Variants in LINGO2 observed in about 807,000 individuals in gnomAD.
The protein encoded by LINGO2 is leucine-rich repeat and immunoglobulin-like domain-containing nogo receptor-interacting protein 2.
LINGO2 carries 14 observed loss-of-function variants against 30.6 expected under a neutral mutation model. That is an observed-to-expected ratio of 0.46 (90% CI 0.30 to 0.72). The LOEUF is 0.72. Among genes scored for constraint, LINGO2 ranks in the 30% least tolerant of loss-of-function variants. The pLI, the probability that LINGO2 is intolerant of heterozygous loss-of-function variation, is 0.07. For synonymous variants in LINGO2, 317 were observed against 288.5 expected, an observed-to-expected ratio of 1.10 and a Z score of -1.00; for missense variants, 729 against 751.7, an observed-to-expected ratio of 0.97 and a Z score of 0.35.
At chr9:28,016,497 G>A (rs1457686216) in intron 4 of LINGO2, among the ~76,000 whole-genome samples, 1 of 151,952 alleles carries the variant, frequency 6.6e-6, no homozygotes, top group Non-Finnish European at 1.5e-5. Context: ...AGTTCTTATA[G>A]TAAAAGACAA....
At chr9:28,501,764 C>G (rs1819897119) in intron 1 of LINGO2, among the ~76,000 whole-genome samples, 1 of 152,046 alleles carries the variant, frequency 6.6e-6, no homozygotes, top group African/African-American at 2.4e-5. Flanking sequence ...AAATTTATAC[C>G]TAATATCCTG....
intron 3 of LINGO2, among the ~76,000 whole-genome samples, chr9:28,366,761 T>A (rs1174836897): frequency 2.0e-5 from 3 of 152,072 alleles, no homozygotes; most frequent in Non-Finnish European, 4.4e-5. Context: ...TTAAATACAT[T>A]TAAATTTTGC....
chr9:28,735,936 G>C, the LINGO2 span, among the ~76,000 whole-genome samples: 3 of 152,118 alleles, frequency 2.0e-5, no homozygotes, highest in Admixed American at 1.3e-4. Context: ...TGTTATTTTT[G>C]TTATCCTCAG....
intron 4 of LINGO2, among the ~76,000 whole-genome samples, chr9:28,100,517 T>C (rs1005815909): frequency 6.6e-6 from 1 of 152,164 alleles, no homozygotes; most frequent in Non-Finnish European, 1.5e-5. Context: ...ACTTGCCCTA[T>C]TGTAAAGATA....
the LINGO2 span, among the ~76,000 whole-genome samples, chr9:28,980,121 C>G: frequency 6.6e-6 from 1 of 152,056 alleles, no homozygotes; most frequent in Non-Finnish European, 1.5e-5. Context: ...AATCCTTGAG[C>G]AAAAATTAAT....
intron 3 of LINGO2, among the ~76,000 whole-genome samples, chr9:28,359,125 G>T (rs1479318395): frequency 6.6e-6 from 1 of 152,100 alleles, no homozygotes; most frequent in East Asian, 1.9e-4. Flanking sequence ...AGAATCGACT[G>T]CAAAGAGGAC....
At chr9:28,144,016 A>T (rs530898543) in intron 4 of LINGO2, among the ~76,000 whole-genome samples, 1 of 152,338 alleles carries the variant, frequency 6.6e-6, no homozygotes, top group East Asian at 1.9e-4. Flanking sequence ...GAATAAGGTT[A>T]ATAATGGATA....
chr9:28,576,072 T>C (rs1055757702), intron 1 of LINGO2, among the ~76,000 whole-genome samples: 5 of 152,140 alleles, frequency 3.3e-5, no homozygotes, highest in South Asian at 2.1e-4. Context: ...ATAGATTAAA[T>C]ACACCTGAAC....
At chr9:28,904,646 A>C in the LINGO2 span, among the ~76,000 whole-genome samples, 1 of 152,170 alleles carries the variant, frequency 6.6e-6, no homozygotes, top group African/African-American at 2.4e-5. Flanking sequence ...TAACTGAGTA[A>C]GTGAATGGCC....
chr9:27,992,166 T>C lies in LINGO2; in HGVS notation c.-36+20189A>G, dbSNP rs1005646782. Among the ~76,000 whole-genome samples the C allele has an allele frequency of 3.3e-5, 5 of 149,832 alleles. No homozygotes were observed. The South Asian group carries it at 8.3e-4, about 25-fold the overall frequency. ...CAGGTTGATGAATTTTCACTGAAAA[T>C]ACCCCTCCAGTCCTTTGCCCTAACC... is the stretch of plus-strand genomic sequence containing the variant. On this transcript the variant is annotated intron_variant, in intron 5 of 5. Transcript: ENST00000379992.
At chr9:28,108,967 C>G (rs1288517706) in intron 4 of LINGO2, among the ~76,000 whole-genome samples, 1 of 152,112 alleles carries the variant, frequency 6.6e-6, no homozygotes, top group East Asian at 1.9e-4. Flanking sequence ...AAAGGAAAAC[C>G]CTGATGAACA....
intron 4 of LINGO2, among the ~76,000 whole-genome samples, chr9:28,153,850 C>A (rs1176927883): frequency 6.6e-6 from 1 of 151,868 alleles, no homozygotes; most frequent in Non-Finnish European, 1.5e-5. Flanking sequence ...GATACTATAT[C>A]CTAGGAAGGA....
chr9:28,408,788 C>CAA (rs67322645), intron 2 of LINGO2, among the ~76,000 whole-genome samples: 2 of 139,816 alleles, frequency 1.4e-5, no homozygotes, highest in East Asian at 4.7e-4. Flanking sequence ...AAAAAAAAAA[C>CAA]AAAAAAAAAC....
At chr9:28,888,903 C>T in the LINGO2 span, 1 of 534,166 alleles carries the variant, frequency 1.9e-6, no homozygotes. Context: ...GGGAACTCAT[C>T]AGTCTCCTGT....
At chr9:29,044,814 A>G in the LINGO2 span, among the ~76,000 whole-genome samples, 1 of 152,076 alleles carries the variant, frequency 6.6e-6, no homozygotes, top group East Asian at 1.9e-4. Flanking sequence ...GAGCCTACGT[A>G]CACTGCTTTT....
intron 3 of LINGO2, among the ~76,000 whole-genome samples, chr9:28,341,256 C>T (rs1225682123): frequency 1.3e-5 from 2 of 152,054 alleles, no homozygotes; most frequent in East Asian, 3.9e-4. Flanking sequence ...ATGCTGACAA[C>T]AGTGAATCTG....
intron 2 of LINGO2, among the ~76,000 whole-genome samples, chr9:28,462,833 T>C (rs1271311188): frequency 6.6e-6 from 1 of 152,058 alleles, no homozygotes; most frequent in African/African-American, 2.4e-5. Flanking sequence ...CTGAGGATTT[T>C]TCCAAGGAAC....
chr9:28,214,899 A>T (rs1011036906), intron 4 of LINGO2, among the ~76,000 whole-genome samples: 2 of 151,756 alleles, frequency 1.3e-5, no homozygotes, highest in African/African-American at 2.4e-5. Context: ...AACACACAGT[A>T]AGTATATATT....
chr9:29,211,213 G>A, the LINGO2 span, among the ~76,000 whole-genome samples: 1 of 152,088 alleles, frequency 6.6e-6, no homozygotes, highest in South Asian at 2.1e-4. Context: ...AGCACAGCAC[G>A]CTGAAAAATA....
Sources: allele counts gnomAD v4.1 joint callset (sites outside exome capture counted in the v4.1 genomes callset), GRCh38; gene constraint gnomAD v4.1.1; transcripts MANE v1.5; gene names NCBI Gene and HGNC (gene_info 2026-07-23, HGNC 2026-07-21).